Variants in CNTNAP2 observed in about 807,000 individuals in gnomAD.
CNTNAP2 encodes contactin-associated protein-like 2.
In CNTNAP2, 98 loss-of-function variants were observed where a neutral mutation model predicts 155.2. The observed-to-expected ratio is 0.63, with a 90% confidence interval of 0.54 to 0.75. The LOEUF (loss-of-function observed/expected upper bound fraction) is 0.75, where lower values mean the gene tolerates loss of function less well. Ranked by LOEUF, CNTNAP2 falls within the 30% of genes least tolerant of loss-of-function variation. The probability of loss-of-function intolerance (pLI) is 0.00; values close to 1 mark genes in which losing one functional copy is unlikely to be tolerated. For missense variants in CNTNAP2, 1,727 were observed against 1,688.1 expected, an observed-to-expected ratio of 1.02 and a Z score of -0.40; for synonymous variants, 651 against 631.2, an observed-to-expected ratio of 1.03 and a Z score of -0.47.
chr7:146,662,794 C>T (rs1216333298), intron 1 of CNTNAP2, among the ~76,000 whole-genome samples: 1 of 152,126 alleles, frequency 6.6e-6, no homozygotes, highest in African/African-American at 2.4e-5. Flanking sequence ...TCTGCATATG[C>T]ATATGTAATT....
intron 16 of CNTNAP2, among the ~76,000 whole-genome samples, chr7:148,134,539 TAA>T (rs1251525254): frequency 6.6e-6 from 1 of 152,138 alleles, no homozygotes; most frequent in South Asian, 2.1e-4. Context: ...CTCTGTTTTT[TAA>T]AAAAATCTTC....
Position 147,091,483 on chromosome 7 carries a change from C to T in CNTNAP2, c.551-16664C>T, listed in dbSNP as rs544444301. 1.5e-3 allele frequency among the ~76,000 whole-genome samples: 227 copies of T among 152,254 alleles called. 1 individual carries two copies. Among genetic ancestry groups the T allele is most frequent in the Non-Finnish European group, 1.4e-3 (92 of 68,022 alleles). ...TTTTCTTTTTTTGAGACAAGAGTCT[C>T]GCTCTATCACCAGGCTGGAGTGCAG... On this transcript the variant is annotated intron_variant, in intron 4 of 23. Coordinates refer to ENST00000361727, the MANE Select transcript of CNTNAP2 (RefSeq NM_014141.6).
intron 3 of CNTNAP2, among the ~76,000 whole-genome samples, chr7:146,957,635 T>C (rs1218629262): frequency 6.6e-6 from 1 of 152,138 alleles, no homozygotes; most frequent in Non-Finnish European, 1.5e-5. Context: ...ACAATGGCAG[T>C]CTTGGGGTAG....
chr7:147,978,948 C>T (rs1238502376), intron 15 of CNTNAP2, among the ~76,000 whole-genome samples: 1 of 152,102 alleles, frequency 6.6e-6, no homozygotes, highest in Non-Finnish European at 1.5e-5. Context: ...ATTTTAGTGC[C>T]TGGATTTGGA....
At chr7:147,601,944 TTCC>T (rs1390955364) in intron 12 of CNTNAP2, among the ~76,000 whole-genome samples, 1 of 152,104 alleles carries the variant, frequency 6.6e-6, no homozygotes, top group African/African-American at 2.4e-5. Context: ...CCTGTGGTGT[TTCC>T]TACAGTCTTG....
chr7:146,360,837 ACGTATCC>A (rs2129100770), intron 1 of CNTNAP2, among the ~76,000 whole-genome samples: 1 of 152,302 alleles, frequency 6.6e-6, no homozygotes, highest in East Asian at 1.9e-4. Context: ...TGTATAACAA[ACGTATCC>A]CCTTGAAGTG....
intron 3 of CNTNAP2, among the ~76,000 whole-genome samples, chr7:146,927,859 A>G (rs1235093716): frequency 6.6e-6 from 1 of 151,758 alleles, no homozygotes; most frequent in Non-Finnish European, 1.5e-5. Flanking sequence ...TAATCAGGAC[A>G]TATCTATATC....
At chr7:146,914,345 C>T (rs930437721) in intron 3 of CNTNAP2, among the ~76,000 whole-genome samples, 3 of 151,952 alleles carry the variant, frequency 2.0e-5, no homozygotes, top group Non-Finnish European at 4.4e-5. Context: ...TGTGGATCCA[C>T]TTTTAGTTCT....
At chr7:146,611,429 G>T (rs1799135084) in intron 1 of CNTNAP2, among the ~76,000 whole-genome samples, 1 of 151,884 alleles carries the variant, frequency 6.6e-6, no homozygotes, top group Non-Finnish European at 1.5e-5. Context: ...TAGTGTTTTA[G>T]TTGGAAAAAA....
intron 21 of CNTNAP2, among the ~76,000 whole-genome samples, chr7:148,349,367 C>A (rs115312443): frequency 6.7e-6 from 1 of 150,084 alleles, no homozygotes. Flanking sequence ...CTAACACTAA[C>A]GGTAGCTAAT....
chr7:146,534,806 T>G (rs1043820578), intron 1 of CNTNAP2, among the ~76,000 whole-genome samples: 4 of 151,648 alleles, frequency 2.6e-5, no homozygotes, highest in Admixed American at 2.0e-4. Context: ...CACTCAGGAC[T>G]AGAGTCTAAA....
chr7:147,520,103 A>G (rs1422057700), intron 11 of CNTNAP2, among the ~76,000 whole-genome samples: 1 of 152,194 alleles, frequency 6.6e-6, no homozygotes, highest in African/African-American at 2.4e-5. Context: ...CAAAGAATCC[A>G]GTCGTTGTAT....
intron 1 of CNTNAP2, among the ~76,000 whole-genome samples, chr7:146,770,308 G>A (rs929185964): frequency 7.8e-6 from 1 of 128,644 alleles, no homozygotes; most frequent in Non-Finnish European, 1.6e-5. Context: ...ATATATATAT[G>A]TGTGTGTATA....
At chr7:146,861,977 A>G (rs1209215985) in intron 3 of CNTNAP2, among the ~76,000 whole-genome samples, 1 of 152,136 alleles carries the variant, frequency 6.6e-6, no homozygotes, top group African/African-American at 2.4e-5. Context: ...CACTGTAATT[A>G]AAAAGCACTT....
intron 9 of CNTNAP2, among the ~76,000 whole-genome samples, chr7:147,388,615 C>T (rs1315681315): frequency 1.3e-5 from 2 of 151,950 alleles, no homozygotes; most frequent in African/African-American, 4.8e-5. Flanking sequence ...GAGTCTCGCC[C>T]TGTAACCCAG....
chr7:146,365,149 A>AC (rs1418062779), intron 1 of CNTNAP2, among the ~76,000 whole-genome samples: 3 of 152,102 alleles, frequency 2.0e-5, no homozygotes, highest in African/African-American at 4.8e-5. Context: ...ACTGCCTCCA[A>AC]TGCACCACTT....
intron 16 of CNTNAP2, among the ~76,000 whole-genome samples, chr7:148,122,855 C>CAAAAAAAAAA (rs1226178688): frequency 7.3e-6 from 1 of 136,934 alleles, no homozygotes; most frequent in African/African-American, 2.9e-5. Context: ...GAATACATCT[C>CAAAAAAAAAA]AAAAAAAAAA....
chr7:147,504,688 TAA>T lies in CNTNAP2; in HGVS notation c.1777+18659_1777+18660del, dbSNP rs112808877. On this transcript the variant is annotated intron_variant, in intron 11 of 23. Transcript: ENST00000361727. ...TGGGCGACAGAATGAGATTCTGTCT[TAA>T]AAAAAAAAAAACAAAAAACCTCTGA... 2.8e-3 allele frequency among the ~76,000 whole-genome samples: 291 copies of T among 104,754 alleles called. 2 individuals carry two copies. Among genetic ancestry groups the T allele is most frequent in the African/African-American group, 8.6e-3 (264 of 30,850 alleles). The allele number at this position is 104,754 out of a possible 152,430, so 68.7% of individuals were successfully genotyped here.
chr7:148,322,573 T>A (rs890058923), intron 21 of CNTNAP2, among the ~76,000 whole-genome samples: 3 of 151,960 alleles, frequency 2.0e-5, no homozygotes, highest in Non-Finnish European at 4.4e-5. Flanking sequence ...CTTGGGCACG[T>A]CTAGGATCAA....
Sources: gnomAD v4.1 joint callset for allele counts (sites outside exome capture counted in the v4.1 genomes callset) on GRCh38, gnomAD v4.1.1 for gene constraint, MANE v1.5 for transcripts, NCBI Gene and HGNC (gene_info 2026-07-23, HGNC 2026-07-21) for gene names.